Variants in CACNA2D3 observed in about 807,000 individuals in gnomAD.
The protein encoded by CACNA2D3 is voltage-dependent calcium channel subunit alpha-2/delta-3.
In CACNA2D3, 60 loss-of-function variants were observed where a neutral mutation model predicts 160.6. That is an observed-to-expected ratio of 0.37 (90% CI 0.30 to 0.46). The LOEUF (loss-of-function observed/expected upper bound fraction) is 0.46. Ranked by LOEUF, CACNA2D3 falls within the 20% of genes least tolerant of loss-of-function variation. CACNA2D3 has a pLI of 1.00. For missense variants in CACNA2D3, 1,205 were observed against 1,365.0 expected (o/e 0.88, Z 1.85); for synonymous variants, 558 against 492.9 (o/e 1.13, Z -1.75).
At chr3:54,628,270 G>A (rs1699165822) in intron 10 of CACNA2D3, among the ~76,000 whole-genome samples, 1 of 152,236 alleles carries the variant, frequency 6.6e-6, no homozygotes, top group Non-Finnish European at 1.5e-5. Flanking sequence ...AGCTCTGGCT[G>A]ACACTGAGCA....
Position 54,626,684 on chromosome 3 carries a change from C to CAAAAAA in CACNA2D3, c.964-1083_964-1078dup, listed in dbSNP as rs71096430. On this transcript the variant is annotated intron_variant, in intron 9 of 37. Transcript: ENST00000474759. ...TAATAAAGGCGCACATGGTTCCAGT[C>CAAAAAA]AAAAAAAAAAAAAAAAAAAAAAAAA... 512 of 318,066 alleles carry CAAAAAA rather than the reference C, an allele frequency of 1.6e-3. 2 individuals are homozygous for CAAAAAA. The highest frequency in any genetic ancestry group is 6.1e-3 in the African/African-American group (131 of 21,520). 19.7% of individuals were successfully genotyped at this position (318,066 alleles called of 1,614,324 possible).
intron 2 of CACNA2D3, among the ~76,000 whole-genome samples, chr3:54,277,591 G>T (rs1257881705): frequency 6.6e-6 from 1 of 152,162 alleles, no homozygotes. Flanking sequence ...TTTTTGCTTA[G>T]GATTGCCTTG....
chr3:54,563,826 G>C (rs1451074637), intron 6 of CACNA2D3, among the ~76,000 whole-genome samples: 1 of 152,132 alleles, frequency 6.6e-6, no homozygotes, highest in African/African-American at 2.4e-5. Flanking sequence ...CAGACTGCCG[G>C]CCTCTGCCTT....
rs148477526 is a variant in CACNA2D3, at chr3:54,587,128, C to T, written c.963+5251C>T. Among the ~76,000 whole-genome samples the T allele has an allele frequency of 6.6e-5, 10 of 151,508 alleles. No individual in the cohort carries two copies. In the East Asian group the frequency reaches 1.8e-3, roughly 27 times the overall value. On this transcript the variant is annotated intron_variant, in intron 9 of 37. Transcript: ENST00000474759. ...AAAATAGTGCAAAATAAAACTAAAG[C>T]AAGCAGAAGGGAGAAAATAATAAAG...
intron 2 of CACNA2D3, among the ~76,000 whole-genome samples, chr3:54,224,426 G>A (rs111305786): frequency 5.3e-5 from 8 of 152,260 alleles, no homozygotes; most frequent in African/African-American, 1.9e-4. Context: ...ACTTCTGTGT[G>A]ATTGGCATTG....
chr3:54,810,167 A>G (rs917678691), intron 13 of CACNA2D3, among the ~76,000 whole-genome samples: 2 of 152,328 alleles, frequency 1.3e-5, no homozygotes, highest in African/African-American at 2.4e-5. Context: ...GAGCCCCACA[A>G]AGGCTTTAAG....
In CACNA2D3 at chr3:54,823,726, A is replaced by T. The variant is rs1467409844; in HGVS notation, c.1398+6856A>T. Among the ~76,000 whole-genome samples the T allele has an allele frequency of 7.2e-5, 11 of 152,204 alleles. No individual in the cohort carries two copies. In the East Asian group the frequency reaches 2.1e-3, roughly 29 times the overall value. ...TAGAGTGTAACATTTTATGTACATTATGCTCCTGTTGTGTGTGTGTGCGTG... is the reference window on the plus strand; with the variant it reads ...TAGAGTGTAACATTTTATGTACATTTTGCTCCTGTTGTGTGTGTGTGCGTG... On this transcript the variant is annotated intron_variant, in intron 14 of 37. Transcript: ENST00000474759.
At chr3:54,889,779 G>T (rs1700014250) in intron 24 of CACNA2D3, among the ~76,000 whole-genome samples, 1 of 152,186 alleles carries the variant, frequency 6.6e-6, no homozygotes, top group African/African-American at 2.4e-5. Context: ...TTCCTGGGAA[G>T]CTGGCAACGA....
rs961865214 is a variant in CACNA2D3, at chr3:54,806,023, C to T, written c.1381-10830C>T. On this transcript the variant is annotated intron_variant, in intron 13 of 37. Transcript: ENST00000474759. The stretch of plus-strand genomic sequence containing the variant: ...AACAACCCTTCATGCTAAAAACTCT[C>T]AATAAATTAGGTATTGATGAGACAT... 4.6e-4 allele frequency among the ~76,000 whole-genome samples: 70 copies of T among 152,294 alleles called. 1 individual carries two copies. Among genetic ancestry groups the T allele is most frequent in the African/African-American group, 1.6e-3 (68 of 41,544 alleles).
At chr3:54,755,098 G>T (rs142933136) in intron 12 of CACNA2D3, among the ~76,000 whole-genome samples, 6 of 152,162 alleles carry the variant, frequency 3.9e-5, no homozygotes, top group African/African-American at 1.4e-4. Flanking sequence ...ATCCATCCAC[G>T]CAACAATACT....
intron 18 of CACNA2D3, among the ~76,000 whole-genome samples, chr3:54,873,547 C>T (rs1446482440): frequency 6.6e-6 from 1 of 152,132 alleles, no homozygotes; most frequent in Non-Finnish European, 1.5e-5. Context: ...AGTTTGGGAA[C>T]ACTTTGTATC....
chr3:54,155,664 A>G (rs1488260212), intron 2 of CACNA2D3, among the ~76,000 whole-genome samples: 3 of 152,194 alleles, frequency 2.0e-5, no homozygotes, highest in Admixed American at 2.0e-4. Context: ...ATAAAGAGGA[A>G]AACTCCCTCA....
At chr3:54,644,754 T>C (rs1454029631) in intron 11 of CACNA2D3, among the ~76,000 whole-genome samples, 1 of 152,250 alleles carries the variant, frequency 6.6e-6, no homozygotes, top group Non-Finnish European at 1.5e-5. Flanking sequence ...GCAGTAGATC[T>C]GAGTGAGGCT....
chr3:54,772,747 G>T (rs1702343184), intron 13 of CACNA2D3, among the ~76,000 whole-genome samples: 1 of 152,178 alleles, frequency 6.6e-6, no homozygotes, highest in Admixed American at 6.5e-5. Context: ...GTCATGCATA[G>T]TCATTATCTC....
intron 27 of CACNA2D3, among the ~76,000 whole-genome samples, chr3:54,946,191 C>T (rs1227925780): frequency 6.6e-6 from 1 of 152,206 alleles, no homozygotes; most frequent in African/African-American, 2.4e-5. Flanking sequence ...CCCTGCCTCT[C>T]ACTTTGCCTG....
At chr3:54,620,293 A>G (rs1370260379) in intron 9 of CACNA2D3, among the ~76,000 whole-genome samples, 1 of 152,190 alleles carries the variant, frequency 6.6e-6, no homozygotes, top group Non-Finnish European at 1.5e-5. Context: ...GAACACTCTT[A>G]CCTTTAATGC....
In CACNA2D3 at chr3:54,569,785, T is replaced by A; in HGVS notation, c.677-10T>A. 1 of 1,585,290 alleles carries A rather than the reference T, an allele frequency of 6.3e-7. No individual in the cohort carries two copies. The highest frequency in any genetic ancestry group is 1.1e-5 in the South Asian group (1 of 87,254). The stretch of plus-strand genomic sequence containing the variant: ...TTTCTGGGTTTCTCATAACCCCATT[T>A]TTCTTCTAGGGATTAAATGGGAACC... On this transcript the variant is annotated splice_polypyrimidine_tract_variant and intron_variant, in intron 6 of 37. Transcript: ENST00000474759.
At chr3:54,743,774 A>G (rs1701697421) in intron 11 of CACNA2D3, among the ~76,000 whole-genome samples, 1 of 152,142 alleles carries the variant, frequency 6.6e-6, no homozygotes. Context: ...AGTGTTTTGG[A>G]GGGCAAGGGA....
intron 3 of CACNA2D3, among the ~76,000 whole-genome samples, chr3:54,376,183 C>T (rs987053615): frequency 1.3e-5 from 2 of 152,140 alleles, no homozygotes; most frequent in Non-Finnish European, 2.9e-5. Flanking sequence ...TGCCCTTTTG[C>T]ACTCTTCCCC....
Sources: gnomAD v4.1 joint callset for allele counts (sites outside exome capture counted in the v4.1 genomes callset) on GRCh38, gnomAD v4.1.1 for gene constraint, MANE v1.5 for transcripts, NCBI Gene and HGNC (gene_info 2026-07-23, HGNC 2026-07-21) for gene names.